Variants in RABGAP1 observed in about 807,000 individuals in gnomAD.
The protein encoded by RABGAP1 is rab GTPase-activating protein 1.
RABGAP1 carries 23 observed loss-of-function variants against 137.6 expected under a neutral mutation model. The ratio of observed to expected loss-of-function variants is 0.17; its 90% CI spans 0.12 to 0.24. RABGAP1 has a LOEUF of 0.24. Ranked by LOEUF, RABGAP1 falls within the 10% of genes least tolerant of loss-of-function variation. The pLI is 1.00. For missense variants in RABGAP1, 906 were observed against 1,275.8 expected (o/e 0.71, Z 4.42); for synonymous variants, 451 against 450.7 (o/e 1.00, Z -0.01).
At chr9:122,933,702 G>A in the RABGAP1 span, among the ~76,000 whole-genome samples, 1 of 151,940 alleles carries the variant, frequency 6.6e-6, no homozygotes, top group African/African-American at 2.4e-5. Flanking sequence ...TCGGCTCACT[G>A]CAACCTCCAC....
chr9:123,098,610 G>A, intron 22 of RABGAP1, 105 bp from the exon 23 acceptor site: 1 of 822,324 alleles, frequency 1.2e-6, no homozygotes. Context: ...GGACTTCCAG[G>A]GTTTGGTTCA....
intron 1 of RABGAP1, among the ~76,000 whole-genome samples, chr9:122,947,428 G>A (rs1834001729): frequency 6.6e-6 from 1 of 152,192 alleles, no homozygotes; most frequent in South Asian, 2.1e-4. Flanking sequence ...CAATGTAAAT[G>A]TATTTAATGA....
chr9:122,998,669 T>A lies in RABGAP1; in HGVS notation c.1277T>A (p.Leu426Gln), dbSNP rs1206202210. The change falls in exon 10 of 26, where the codon CTG (leucine) becomes CAG (glutamine). Residue 426 changes from leucine (L) to glutamine (Q), a missense_variant. Coordinates refer to ENST00000373647, the MANE Select transcript of RABGAP1 (RefSeq NM_012197.4). ...TEVQEPVRFL[L>Q]ETKVRVCSPN... ...GTACAGGAGCCTGTTCGATTTCTCC[T>A]GGAGACAAAAGTCCGCGTTTGCTCA... The A allele has an allele frequency of 2.5e-6, 4 of 1,612,246 alleles. No homozygotes were observed. Among genetic ancestry groups the A allele is most frequent in the Non-Finnish European group, 3.4e-6 (4 of 1,178,328 alleles).
chr9:123,015,664 A>G, intron 12 of RABGAP1, 28 bp downstream of exon 12: 1 of 1,492,764 alleles, frequency 6.7e-7, no homozygotes. Context: ...AGTTTTTTTT[A>G]TCTGCAATTT....
intron 10 of RABGAP1, among the ~76,000 whole-genome samples, chr9:123,005,638 A>G (rs1004703429): frequency 1.3e-5 from 2 of 152,144 alleles, no homozygotes; most frequent in African/African-American, 4.8e-5. Flanking sequence ...TGGATGAACT[A>G]TGGGCTTTTC....
chr9:122,987,494 C>T (rs973899281), intron 4 of RABGAP1, among the ~76,000 whole-genome samples: 3 of 151,920 alleles, frequency 2.0e-5, no homozygotes, highest in African/African-American at 4.8e-5. Flanking sequence ...ACATAATTTA[C>T]AACTGTTAGA....
intron 13 of RABGAP1, among the ~76,000 whole-genome samples, chr9:123,047,189 A>G (rs927820391): frequency 2.0e-5 from 3 of 152,180 alleles, no homozygotes; most frequent in African/African-American, 7.2e-5. Context: ...ACGAGTTAAG[A>G]TTTTCTTTCA....
chr9:123,097,555 C>G (rs1274785112), intron 21 of RABGAP1, among the ~76,000 whole-genome samples, 186 bp from the exon 22 acceptor site: 3 of 152,184 alleles, frequency 2.0e-5, no homozygotes, highest in Admixed American at 2.0e-4. Context: ...CCCTGCACTA[C>G]CTCTGAGCAA....
intron 2 of RABGAP1, among the ~76,000 whole-genome samples, chr9:122,978,663 G>A (rs1835889385): frequency 1.3e-5 from 2 of 152,202 alleles, no homozygotes; most frequent in South Asian, 4.2e-4. Flanking sequence ...ACAGATTTTT[G>A]TGTAGACATA....
chr9:123,029,709 T>TGACTTTCC, intron 13 of RABGAP1: 1 of 660,378 alleles, frequency 1.5e-6, no homozygotes, highest in Middle Eastern at 3.7e-4. Context: ...CTTTCTTGGC[T>TGACTTTCC]GACTTTCCAG....
chr9:123,050,800 G>A (rs1301047941), intron 13 of RABGAP1, among the ~76,000 whole-genome samples: 2 of 152,114 alleles, frequency 1.3e-5, no homozygotes, highest in African/African-American at 2.4e-5. Context: ...CCTGAAGGCC[G>A]AAGCAAAAAT....
intron 2 of RABGAP1, among the ~76,000 whole-genome samples, chr9:122,965,773 A>G (rs1448440599): frequency 6.6e-6 from 1 of 152,220 alleles, no homozygotes; most frequent in Non-Finnish European, 1.5e-5. Context: ...TTGAACATAC[A>G]TTTTAAATGA....
intron 2 of RABGAP1, among the ~76,000 whole-genome samples, chr9:122,971,299 G>C (rs990242500): frequency 6.6e-6 from 1 of 152,152 alleles, no homozygotes; most frequent in African/African-American, 2.4e-5. Context: ...TACACTGCTT[G>C]TATGTTCCTT....
chr9:122,964,460 A>G (rs1245270884), intron 2 of RABGAP1, among the ~76,000 whole-genome samples: 4 of 152,238 alleles, frequency 2.6e-5, no homozygotes, highest in African/African-American at 9.6e-5. Context: ...ATAAAAAGCA[A>G]AACCCACATG....
intron 10 of RABGAP1, among the ~76,000 whole-genome samples, chr9:123,002,722 G>C (rs894778277): frequency 1.3e-5 from 2 of 151,892 alleles, no homozygotes; most frequent in Non-Finnish European, 2.9e-5. Context: ...CATACAGTAT[G>C]TTATTCAAAT....
chr9:122,989,731 C>A, intron 5 of RABGAP1: 1 of 533,390 alleles, frequency 1.9e-6, no homozygotes, highest in Non-Finnish European at 3.3e-6. Flanking sequence ...CTGGTTCTAA[C>A]ATTGACAGAT....
chr9:123,054,866 A>G (rs549423967), intron 13 of RABGAP1, among the ~76,000 whole-genome samples: 1 of 152,314 alleles, frequency 6.6e-6, no homozygotes, highest in South Asian at 2.1e-4. Context: ...ACACAGAGGT[A>G]AAGTGCCATT....
chr9:122,956,153 C>T (rs1359159560), intron 1 of RABGAP1, among the ~76,000 whole-genome samples: 2 of 152,170 alleles, frequency 1.3e-5, no homozygotes, highest in Non-Finnish European at 2.9e-5. Context: ...TTCTAAGAAA[C>T]TGTGGTGTGG....
At chr9:123,088,042 C>CTT (rs553939021) in intron 19 of RABGAP1, among the ~76,000 whole-genome samples, 12 of 144,502 alleles carry the variant, frequency 8.3e-5, no homozygotes, top group African/African-American at 3.0e-4. Context: ...GTTTCATATT[C>CTT]TTTTTTTTTT....
Sources: allele counts gnomAD v4.1 joint callset (sites outside exome capture counted in the v4.1 genomes callset), GRCh38; gene constraint gnomAD v4.1.1; transcripts MANE v1.5; gene names NCBI Gene and HGNC (gene_info 2026-07-23, HGNC 2026-07-21).